Variants in CASP6 observed in about 807,000 individuals in gnomAD.
The protein encoded by CASP6 is caspase-6.
A neutral mutation model predicts 31.8 loss-of-function variants in CASP6; 20 were observed. The ratio of observed to expected loss-of-function variants is 0.63; its 90% CI spans 0.44 to 0.91. The LOEUF (loss-of-function observed/expected upper bound fraction) is 0.91, where lower values mean the gene tolerates loss of function less well. Ranked by LOEUF, CASP6 falls within the 40% of genes least tolerant of loss-of-function variation. The pLI, the probability that CASP6 is intolerant of heterozygous loss-of-function variation, is 0.00. For missense variants in CASP6, 328 were observed against 361.1 expected, an observed-to-expected ratio of 0.91 and a Z score of 0.74; for synonymous variants, 130 against 127.8, an observed-to-expected ratio of 1.02 and a Z score of -0.12.
chr4:109,697,809 T>C, intron 2 of CASP6, 41 bp from the exon 3 acceptor site: 2 of 1,595,546 alleles, frequency 1.3e-6, no homozygotes, highest in Non-Finnish European at 8.5e-7. Context: ...TCAAGTCATA[T>C]TAAATAATGA....
At chr4:109,680,668 G>A in the CASP6 span, among the ~76,000 whole-genome samples, 781 of 152,254 alleles carry the variant, frequency 5.1e-3, 3 homozygotes, top group African/African-American at 0.018. Context: ...ACTATGGAAG[G>A]GGGTAAAGAC....
At chr4:109,708,773 CT>C in the CASP6 span, among the ~76,000 whole-genome samples, 1 of 152,148 alleles carries the variant, frequency 6.6e-6, no homozygotes, top group African/African-American at 2.4e-5. Flanking sequence ...TTTTGTCTAC[CT>C]TTTTTTCCCC....
In CASP6 at chr4:109,696,495, A is replaced by G; in HGVS notation, c.231-9T>C. ...ATCCTAGATCTGAAAACCTAGTGGT[A>G]TATTAAATGAAATGTTAGCCTATAA... is the stretch of plus-strand genomic sequence containing the variant. On this transcript the variant is annotated splice_polypyrimidine_tract_variant and intron_variant, in intron 3 of 6. Transcript: ENST00000265164. 1 of 1,589,102 alleles carries G rather than the reference A, an allele frequency of 6.3e-7. No homozygotes were observed. Among genetic ancestry groups the G allele is most frequent in the Non-Finnish European group, 8.6e-7 (1 of 1,160,198 alleles).
chr4:109,665,350 CT>C, the CASP6 span, among the ~76,000 whole-genome samples: 1 of 152,104 alleles, frequency 6.6e-6, no homozygotes, highest in Non-Finnish European at 1.5e-5. Context: ...CAGAAATATG[CT>C]GTAAGAACCT....
At chr4:109,664,424 T>A in the CASP6 span, 2 of 563,270 alleles carry the variant, frequency 3.6e-6, no homozygotes, top group Non-Finnish European at 5.9e-6. Flanking sequence ...AACTATTACT[T>A]TTTTTTTTTT....
chr4:109,691,861 C>A (rs1056861127), intron 5 of CASP6: 1 of 152,168 alleles, frequency 6.6e-6, no homozygotes, highest in African/African-American at 2.4e-5. Flanking sequence ...GGCACAGGGA[C>A]AAGATGGCCA....
the CASP6 span, among the ~76,000 whole-genome samples, chr4:109,679,185 C>T: frequency 6.6e-5 from 10 of 152,134 alleles, no homozygotes; most frequent in Non-Finnish European, 1.3e-4. Context: ...GGCAGAGGCA[C>T]TCCTCACATC....
the CASP6 span, among the ~76,000 whole-genome samples, chr4:109,680,584 C>G: frequency 4.0e-5 from 6 of 151,292 alleles, no homozygotes; most frequent in African/African-American, 1.5e-4. Context: ...CAAAAGGACT[C>G]TGACTCTTCT....
At chr4:109,685,868 T>A (rs1302988804), downstream of CASP6, among the ~76,000 whole-genome samples, 3 of 152,254 alleles carry the variant, frequency 2.0e-5, no homozygotes, top group Non-Finnish European at 2.9e-5. Flanking sequence ...AAGTACTTTT[T>A]CACAGTCTGC....
chr4:109,706,032 A>ATATAT (rs1419095475), upstream of CASP6, among the ~76,000 whole-genome samples: 73 of 93,786 alleles, frequency 7.8e-4, no homozygotes, highest in African/African-American at 3.5e-3. Flanking sequence ...ATATATATAT[A>ATATAT]ATATATATAA....
At chr4:109,669,892 T>C in the CASP6 span, among the ~76,000 whole-genome samples, 1 of 152,222 alleles carries the variant, frequency 6.6e-6, no homozygotes, top group Non-Finnish European at 1.5e-5. Context: ...TTTCCATCTG[T>C]CTTCTTACAT....
chr4:109,689,466 A>C lies in CASP6; in HGVS notation c.746T>G (p.Leu249Arg). 1 of 1,613,416 alleles carries C rather than the reference A, an allele frequency of 6.2e-7. No homozygotes were observed. Among genetic ancestry groups the C allele is most frequent in the Non-Finnish European group, 8.5e-7 (1 of 1,180,016 alleles). ...AGAAACTTTCCTGTTCACCAGTGTG[A>C]GGAGTTCTGTGAACTCTAAGGAGGA... ...YGSSLEFTELLTLVNRKVSQR... is the reference protein window; with the variant it reads ...YGSSLEFTELRTLVNRKVSQR... The change falls in exon 7 of 7, where the codon CTC becomes CGC. Residue 249 changes from leucine to arginine, a missense_variant. Physicochemically the swap from Leu to Arg is moderately radical, Grantham distance 102. Coordinates refer to ENST00000265164, the MANE Select transcript of CASP6 (RefSeq NM_001226.4).
At chr4:109,683,930 T>A (rs1006228071), downstream of CASP6, among the ~76,000 whole-genome samples, 1 of 152,214 alleles carries the variant, frequency 6.6e-6, no homozygotes, top group Non-Finnish European at 1.5e-5. Context: ...ACCTTTATAG[T>A]TTTAAAGAGT....
chr4:109,679,787 TTTGTTGTTG>T, the CASP6 span, among the ~76,000 whole-genome samples: 6 of 151,672 alleles, frequency 4.0e-5, no homozygotes, highest in East Asian at 3.9e-4. Context: ...GAGGTATAAT[TTTGTTGTTG>T]TTGTTGTTGT....
chr4:109,674,107 G>A, the CASP6 span: 2 of 1,446,634 alleles, frequency 1.4e-6, no homozygotes, highest in Non-Finnish European at 9.7e-7. Flanking sequence ...GGAATTCTGG[G>A]CAAAACCTAA....
At chr4:109,706,081 A>T (rs867852270), upstream of CASP6, among the ~76,000 whole-genome samples, 412 of 115,018 alleles carry the variant, frequency 3.6e-3, 3 homozygotes, top group African/African-American at 0.013. Context: ...ATATATTTCA[A>T]TTGGCACACT....
At chr4:109,668,123 A>G in the CASP6 span, among the ~76,000 whole-genome samples, 12 of 152,114 alleles carry the variant, frequency 7.9e-5, no homozygotes, top group Non-Finnish European at 1.5e-4. Context: ...GTTGTTGGAT[A>G]GTCTATAGAT....
intron 6 of CASP6, among the ~76,000 whole-genome samples, chr4:109,690,078 G>A (rs774837689): frequency 3.3e-5 from 5 of 151,512 alleles, no homozygotes; most frequent in African/African-American, 4.9e-5. Flanking sequence ...CCAGCTACTC[G>A]GGAGGCTGAG....
intron 1 of CASP6, chr4:109,702,973 T>G: frequency 4.1e-6 from 1 of 241,928 alleles, no homozygotes; most frequent in Non-Finnish European, 7.9e-6. Context: ...ACCCCCAACA[T>G]TTCAAACGGC....
Sources: allele counts gnomAD v4.1 joint callset (sites outside exome capture counted in the v4.1 genomes callset), GRCh38; gene constraint gnomAD v4.1.1; transcripts MANE v1.5; gene names NCBI Gene and HGNC (gene_info 2026-07-23, HGNC 2026-07-21).